Variants in TPPP3 observed in about 807,000 individuals in gnomAD.
TPPP3 encodes tubulin polymerization promoting protein family member 3.
In TPPP3, 7 loss-of-function variants were observed where a neutral mutation model predicts 13.1. The ratio of observed to expected loss-of-function variants is 0.54; its 90% CI spans 0.30 to 1.01. TPPP3 has a LOEUF of 1.01. Ranked by LOEUF, TPPP3 falls within the 50% of genes least tolerant of loss-of-function variation. The probability of loss-of-function intolerance (pLI) is 0.06; values close to 1 mark genes in which losing one functional copy is unlikely to be tolerated. For missense variants in TPPP3, 185 were observed against 235.0 expected (o/e 0.79, Z 1.39); for synonymous variants, 87 against 93.7 (o/e 0.93, Z 0.41).
Position 67,390,713 on chromosome 16 carries a change from CACA to C in TPPP3, c.189-84_189-82del. ...AAAGCTCAAACACATTTGCTGCCAC[CACA>C]AATTATGCAATTGCGTTTCTTTCCC... On this transcript the variant is annotated intron_variant, in intron 2 of 3. Coordinates refer to ENST00000393957, the MANE Select transcript of TPPP3 (RefSeq NM_015964.4). The surrounding 1 kb of genome is among the most constrained non-coding windows in gnomAD (Gnocchi z 6.4). 1.3e-6 allele frequency: 2 copies of C among 1,534,294 alleles called. No homozygotes were observed. The highest frequency in any genetic ancestry group is 1.7e-6 in the Non-Finnish European group (2 of 1,146,156).
In TPPP3 at chr16:67,391,635, T is replaced by TCA. The variant is rs1034752963; in HGVS notation, c.-6-519_-6-518insTG. ...CCAGTCTGGGCACGGGTGCATGCCC[T>TCA]GGGCAGGGGTGCAGCTGGTCCAGCA... On this transcript the variant is annotated intron_variant, in intron 1 of 3. Transcript: ENST00000393957. The surrounding 1 kb of genome is among the most constrained non-coding windows in gnomAD (Gnocchi z 6.3). 1.3e-5 allele frequency: 2 copies of TCA among 154,246 alleles called. No homozygotes were observed. Among genetic ancestry groups the TCA allele is most frequent in the African/African-American group, 4.8e-5 (2 of 41,504 alleles). 9.6% of individuals were successfully genotyped at this position (154,246 alleles called of 1,614,324 possible). A position where few individuals can be genotyped will look rare whatever the true frequency, so the allele number is the denominator to read the frequency against.
rs939483561 is a variant in TPPP3, at chr16:67,391,169, C to G, written c.-6-52G>C. 18 of 1,572,902 alleles carry G rather than the reference C, an allele frequency of 1.1e-5. No individual in the cohort carries two copies. Among genetic ancestry groups the G allele is most frequent in the Middle Eastern group, 3.4e-4 (2 of 5,948 alleles). On this transcript the variant is annotated intron_variant, in intron 1 of 3. Coordinates refer to ENST00000393957, the MANE Select transcript of TPPP3 (RefSeq NM_015964.4). The surrounding 1 kb of genome is among the most constrained non-coding windows in gnomAD (Gnocchi z 6.3). The stretch of plus-strand genomic sequence containing the variant: ...CCAGCCAATCTGCCCTTCCCCTCCC[C>G]CAAGCCCAGAACATCCCAGCCTCTA...
At position 67,389,979 on chromosome 16, in the gene TPPP3, AGAG is replaced by A. The variant is rs2040304566; in HGVS notation, c.*192_*194del. On this transcript the variant is annotated 3_prime_UTR_variant, in exon 4 of 4. Transcript: ENST00000393957. The stretch of plus-strand genomic sequence containing the variant: ...CAGGTGGACAGAAGTTGGAGCAGGA[AGAG>A]GAGGAGGAAGGGGCCGCAGAGCAGC... 5.0e-6 allele frequency: 3 copies of A among 597,632 alleles called. No individual in the cohort carries two copies. In the East Asian group the frequency reaches 8.4e-5, roughly 17 times the overall value. The allele number at this position is 597,632 out of a possible 1,614,324, so 37.0% of individuals were successfully genotyped here.
Position 67,393,087 on chromosome 16 carries a change from G to T in TPPP3, c.-7+293C>A, listed in dbSNP as rs991966725. The T allele has an allele frequency of 1.6e-5, 15 of 957,114 alleles. No individual in the cohort carries two copies. The highest frequency in any genetic ancestry group is 1.9e-5 in the Non-Finnish European group (15 of 804,086). The allele number at this position is 957,114 out of a possible 1,614,324, so 59.3% of individuals were successfully genotyped here. A position where few individuals can be genotyped will look rare whatever the true frequency, so the allele number is the denominator to read the frequency against. On this transcript the variant is annotated intron_variant, in intron 1 of 3. Transcript: ENST00000393957. The surrounding 1 kb of genome is among the most constrained non-coding windows in gnomAD (Gnocchi z 5.4). The stretch of plus-strand genomic sequence containing the variant: ...GGTCATCTCAGCGCGGTCAGGTGGC[G>T]CTGGGTTGCAGGCCGCAGCCCCATG...
Position 67,392,940 on chromosome 16 carries a change from C to A in TPPP3, c.-7+440G>T. On this transcript the variant is annotated intron_variant, in intron 1 of 3. Transcript: ENST00000393957. This position sits in a 1 kb window ranked among gnomAD's most constrained non-coding sequence, Gnocchi z 4.9. ...CAACCTCCCACCAGGGACCCCAAGA[C>A]CCGCACTTGGTTCACCAAGGGTAAC... The A allele has an allele frequency of 1.0e-6, 1 of 985,172 alleles. No individual in the cohort carries two copies. The highest frequency in any genetic ancestry group is 1.2e-6 in the Non-Finnish European group (1 of 829,652). 61.0% of individuals were successfully genotyped at this position (985,172 alleles called of 1,614,324 possible).
chr16:67,391,425 G>C lies in TPPP3; in HGVS notation c.-6-308C>G. The C allele has an allele frequency of 7.3e-6, 2 of 274,704 alleles. No homozygotes were observed. Among genetic ancestry groups the C allele is most frequent in the South Asian group, 1.7e-4 (2 of 11,762 alleles). 17.0% of individuals were successfully genotyped at this position (274,704 alleles called of 1,614,324 possible). A position where few individuals can be genotyped will look rare whatever the true frequency, so the allele number is the denominator to read the frequency against. ...GTCCAGAAAGACTGTTAGGGCAGCA[G>C]CTGGGGCCCTGGCTTTGTCTGGCCC... On this transcript the variant is annotated intron_variant, in intron 1 of 3. Coordinates refer to ENST00000393957, the MANE Select transcript of TPPP3 (RefSeq NM_015964.4). This position sits in a 1 kb window ranked among gnomAD's most constrained non-coding sequence, Gnocchi z 6.3.
chr16:67,392,049 T>G lies in TPPP3; in HGVS notation c.-6-932A>C, dbSNP rs1411988092. 6.6e-6 allele frequency: 1 copy of G among 152,620 alleles called. No individual in the cohort carries two copies. Among genetic ancestry groups the G allele is most frequent in the South Asian group, 2.0e-4 (1 of 4,934 alleles). The allele number at this position is 152,620 out of a possible 1,614,324, so 9.5% of individuals were successfully genotyped here. ...TCGTGCTGGCAAGTGGGGCTGTGGC[T>G]GAAACACACTTCATCATGTCTACAC... On this transcript the variant is annotated intron_variant, in intron 1 of 3. Transcript: ENST00000393957. This position sits in a 1 kb window ranked among gnomAD's most constrained non-coding sequence, Gnocchi z 4.9.
chr16:67,393,454 A>G lies in TPPP3; in HGVS notation c.-81T>C, dbSNP rs956568862. On this transcript the variant is annotated 5_prime_UTR_variant, in exon 1 of 4. Coordinates refer to ENST00000393957, the MANE Select transcript of TPPP3 (RefSeq NM_015964.4). This position sits in a 1 kb window ranked among gnomAD's most constrained non-coding sequence, Gnocchi z 5.4. ...AATGGACCGATGGACGCGGGAGACCAGGCGGCTCCGCAGCTCCGCTCCCTG... is the reference window on the plus strand; with the variant it reads ...AATGGACCGATGGACGCGGGAGACCGGGCGGCTCCGCAGCTCCGCTCCCTG... 13 of 985,664 alleles carry G rather than the reference A, an allele frequency of 1.3e-5. No individual in the cohort carries two copies. Among genetic ancestry groups the G allele is most frequent in the Non-Finnish European group, 1.4e-5 (12 of 830,122 alleles). 61.1% of individuals were successfully genotyped at this position (985,664 alleles called of 1,614,324 possible).
rs1405557080 is a variant in TPPP3, at chr16:67,391,060, C to A, written c.52G>T (p.Ala18Ser). 4 of 1,614,104 alleles carry A rather than the reference C, an allele frequency of 2.5e-6. No individual in the cohort carries two copies. In the African/African-American group the frequency reaches 4.0e-5, roughly 16 times the overall value. The change falls in exon 2 of 4, where the codon GCC becomes TCC. Residue 18 changes from alanine to serine, a missense_variant. Physicochemically the swap from Ala to Ser is moderately conservative, Grantham distance 99 (BLOSUM62 1). Transcript: ENST00000393957. This position sits in a 1 kb window ranked among gnomAD's most constrained non-coding sequence, Gnocchi z 6.3. ...AGLEESFRKFAIHGDPKASGQ... is the reference protein window; with the variant it reads ...AGLEESFRKFSIHGDPKASGQ... ...CTGGCCTTGGGGTCACCATGGATGG[C>A]AAACTTGCGGAAGCTCTCCTCCAGC...
Position 67,390,775 on chromosome 16 carries a change from G to C in TPPP3, c.189-143C>G. 1 of 1,412,016 alleles carries C rather than the reference G, an allele frequency of 7.1e-7. No homozygotes were observed. The allele number at this position is 1,412,016 out of a possible 1,614,324, so 87.5% of individuals were successfully genotyped here. On this transcript the variant is annotated intron_variant, in intron 2 of 3. Coordinates refer to ENST00000393957, the MANE Select transcript of TPPP3 (RefSeq NM_015964.4). The surrounding 1 kb of genome is among the most constrained non-coding windows in gnomAD (Gnocchi z 6.4). ...GGAAGTCGCAGGGGTCAGCAACTCT[G>C]GAGGGCAATAGATATAAGGTTTGCC...
Position 67,392,309 on chromosome 16 carries a change from C to G in TPPP3, c.-7+1071G>C, listed in dbSNP as rs2040337636. 1.3e-5 allele frequency among the ~76,000 whole-genome samples: 2 copies of G among 151,842 alleles called. No homozygotes were observed. Among genetic ancestry groups the G allele is most frequent in the Admixed American group, 1.3e-4 (2 of 15,248 alleles). Reference sequence around the variant, plus strand: ...ATACCCACAGTCCAGCACTAAAGTGCCCCCCACACCCACAGCCCTCCGCTG... The same window carrying G: ...ATACCCACAGTCCAGCACTAAAGTGGCCCCCACACCCACAGCCCTCCGCTG... On this transcript the variant is annotated intron_variant, in intron 1 of 3. Coordinates refer to ENST00000393957, the MANE Select transcript of TPPP3 (RefSeq NM_015964.4). The surrounding 1 kb of genome is among the most constrained non-coding windows in gnomAD (Gnocchi z 4.9).
Position 67,390,720 on chromosome 16 carries a change from T to C in TPPP3, c.189-88A>G. On this transcript the variant is annotated intron_variant, in intron 2 of 3. Transcript: ENST00000393957. The surrounding 1 kb of genome is among the most constrained non-coding windows in gnomAD (Gnocchi z 6.4). ...AAACACATTTGCTGCCACCACAAAT[T>C]ATGCAATTGCGTTTCTTTCCCACGT... 1 of 1,526,478 alleles carries C rather than the reference T, an allele frequency of 6.6e-7. No individual in the cohort carries two copies. Among genetic ancestry groups the C allele is most frequent in the Non-Finnish European group, 8.8e-7 (1 of 1,140,862 alleles). The allele number at this position is 1,526,478 out of a possible 1,614,324, so 94.6% of individuals were successfully genotyped here.
chr16:67,390,312 G>C lies in TPPP3; in HGVS notation c.393C>G (p.Tyr131Ter). The C allele has an allele frequency of 6.2e-7, 1 of 1,614,136 alleles. No homozygotes were observed. The highest frequency in any genetic ancestry group is 8.5e-7 in the Non-Finnish European group (1 of 1,180,018). The change falls in exon 4 of 4, where the codon TAC (tyrosine) becomes TAG (stop). Residue 131 changes from tyrosine (Y) to a stop codon, truncating the protein, a stop_gained. Coordinates refer to ENST00000393957, the MANE Select transcript of TPPP3 (RefSeq NM_015964.4). LOFTEE classifies it high-confidence loss of function. The surrounding 1 kb of genome is among the most constrained non-coding windows in gnomAD (Gnocchi z 6.4). ...AVDRLTDTSRYTGSHKERFDE... is the reference protein window; with the variant it reads ...AVDRLTDTSR ...CGAAGCGCTCCTTGTGGGAGCCCGT[G>C]TATCTGCTGGTGTCCGTCAGCCGGT...
At position 67,390,661 on chromosome 16, in the gene TPPP3, TC is replaced by T; in HGVS notation, c.189-30del. The T allele has an allele frequency of 6.3e-7, 1 of 1,584,156 alleles. No homozygotes were observed. The highest frequency in any genetic ancestry group is 8.6e-7 in the Non-Finnish European group (1 of 1,168,364). On this transcript the variant is annotated intron_variant, in intron 2 of 3. Transcript: ENST00000393957. The surrounding 1 kb of genome is among the most constrained non-coding windows in gnomAD (Gnocchi z 6.4). ...ACAGGCATGTGGGCACCATGAGGGTTCCCCTTTCTTTTTTCTCCCCCAGGGG... is the reference window on the plus strand; with the variant it reads ...ACAGGCATGTGGGCACCATGAGGGTTCCCTTTCTTTTTTCTCCCCCAGGGG...
At position 67,393,144 on chromosome 16, in the gene TPPP3, C is replaced by T. The variant is rs1250178599; in HGVS notation, c.-7+236G>A. 5.7e-6 allele frequency: 4 copies of T among 705,492 alleles called. No individual in the cohort carries two copies. Among genetic ancestry groups the T allele is most frequent in the South Asian group, 6.3e-5 (1 of 15,786 alleles). 43.7% of individuals were successfully genotyped at this position (705,492 alleles called of 1,614,324 possible). On this transcript the variant is annotated intron_variant, in intron 1 of 3. Transcript: ENST00000393957. The surrounding 1 kb of genome is among the most constrained non-coding windows in gnomAD (Gnocchi z 5.4). ...CAGGCCATGGATGGAGTGGCCACAC[C>T]CGTGAACTGGAGCCACCCGTCCCGC...
In TPPP3 at chr16:67,392,914, G is replaced by T; in HGVS notation, c.-7+466C>A. 1 of 962,328 alleles carries T rather than the reference G, an allele frequency of 1.0e-6. No individual in the cohort carries two copies. The allele number at this position is 962,328 out of a possible 1,614,324, so 59.6% of individuals were successfully genotyped here. ...GCACTCCCCTTCCCTTTCCCTGGGT[G>T]CAACCTCCCACCAGGGACCCCAAGA... On this transcript the variant is annotated intron_variant, in intron 1 of 3. Transcript: ENST00000393957. This position sits in a 1 kb window ranked among gnomAD's most constrained non-coding sequence, Gnocchi z 4.9.
chr16:67,391,948 C>G lies in TPPP3; in HGVS notation c.-6-831G>C, dbSNP rs2040332744. On this transcript the variant is annotated intron_variant, in intron 1 of 3. Transcript: ENST00000393957. This position sits in a 1 kb window ranked among gnomAD's most constrained non-coding sequence, Gnocchi z 6.3. ...TTGCCACCGACTGGTGCTGTAACCTCCCACTGTGGAGTTTTGGGGGAGCAG... is the reference window on the plus strand; with the variant it reads ...TTGCCACCGACTGGTGCTGTAACCTGCCACTGTGGAGTTTTGGGGGAGCAG... The G allele has an allele frequency of 6.5e-6, 1 of 152,736 alleles. No homozygotes were observed. The highest frequency in any genetic ancestry group is 1.5e-5 in the Non-Finnish European group (1 of 68,468). 9.5% of individuals were successfully genotyped at this position (152,736 alleles called of 1,614,324 possible). A position where few individuals can be genotyped will look rare whatever the true frequency, so the allele number is the denominator to read the frequency against.
In TPPP3 at chr16:67,392,500, G is replaced by A. The variant is rs2040340372; in HGVS notation, c.-7+880C>T. Among the ~76,000 whole-genome samples, 3 of 151,436 alleles carry A rather than the reference G, an allele frequency of 2.0e-5. No homozygotes were observed. The highest frequency in any genetic ancestry group is 6.6e-5 in the Admixed American group (1 of 15,224). On this transcript the variant is annotated intron_variant, in intron 1 of 3. Coordinates refer to ENST00000393957, the MANE Select transcript of TPPP3 (RefSeq NM_015964.4). This position sits in a 1 kb window ranked among gnomAD's most constrained non-coding sequence, Gnocchi z 4.9. ...AATACCCGCAGCCCTTTATCAAGGC[G>A]CCCTGACCCTCAGCACCCCTTTGTC...
In TPPP3 at chr16:67,392,746, ACGGCCTGGGCTCTGCCCG is replaced by A. The variant is rs2040344272; in HGVS notation, c.-7+616_-7+633del. ...TTTTACACTAGGGCTTCCAGTGACC[ACGGCCTGGGCTCTGCCCG>A]GCTGCCCCATCTTCCACCAAAAACT... On this transcript the variant is annotated intron_variant, in intron 1 of 3. Transcript: ENST00000393957. This position sits in a 1 kb window ranked among gnomAD's most constrained non-coding sequence, Gnocchi z 4.9. Among the ~76,000 whole-genome samples, 1 of 152,104 alleles carries A rather than the reference ACGGCCTGGGCTCTGCCCG, an allele frequency of 6.6e-6. No individual in the cohort carries two copies. The highest frequency in any genetic ancestry group is 1.5e-5 in the Non-Finnish European group (1 of 68,016).
Sources: gnomAD v4.1 joint callset for allele counts (sites outside exome capture counted in the v4.1 genomes callset) on GRCh38, gnomAD v4.1.1 for gene constraint, Gnocchi (gnomAD v3.1) non-coding constraint, MANE v1.5 for transcripts, NCBI Gene and HGNC (gene_info 2026-07-23, HGNC 2026-07-21) for gene names.